The following ABCG2 variants were observed in gnomAD, a reference collection of about 807,000 sequenced individuals.
The protein encoded by ABCG2 is broad substrate specificity ATP-binding cassette transporter ABCG2.
A neutral mutation model predicts 73.5 loss-of-function variants in ABCG2; 80 were observed. The ratio of observed to expected loss-of-function variants is 1.09; its 90% CI spans 0.91 to 1.31. The LOEUF is 1.31. Among genes scored for constraint, ABCG2 ranks in the 50% most tolerant of loss-of-function variants. ABCG2 has a pLI of 0.00. For synonymous variants in ABCG2, 269 were observed against 282.4 expected (o/e 0.95, Z 0.48); for missense variants, 796 against 786.2 (o/e 1.01, Z -0.15).
rs546197876 is a variant in ABCG2 at position 88,131,421 on chromosome 4, C to A, written c.379-208G>T. Among the ~76,000 whole-genome samples, 5 of 152,272 alleles carry A rather than the reference C, an allele frequency of 3.3e-5. No individual in the cohort carries two copies. The South Asian group carries it at 6.2e-4, about 19-fold the overall frequency. ...AATCATTTTTCACCCCCTATCTGTA[C>A]ACCCAAATAGAATGCAAGTAATTAT... On this transcript the variant is annotated intron_variant, in intron 4 of 15. Coordinates refer to ENST00000237612, the MANE Select transcript of ABCG2 (RefSeq NM_004827.3).
intron 1 of ABCG2, among the ~76,000 whole-genome samples, chr4:88,140,774 C>T (rs1725584140): frequency 6.6e-6 from 1 of 152,062 alleles, no homozygotes; most frequent in Admixed American, 6.6e-5. Flanking sequence ...TTGTTATGCA[C>T]CTTCAATCAG....
At chr4:88,159,418 G>A, upstream of ABCG2, 1 of 345,576 alleles carries the variant, frequency 2.9e-6, no homozygotes, top group South Asian at 2.1e-5. Flanking sequence ...GAAGGAAAGG[G>A]GAGAAACTTA....
At position 88,101,149 on chromosome 4, in the gene ABCG2, GC is replaced by G. The variant is rs543645352; in HGVS notation, c.1367+80del. ...GGTAATCCTCCGGATCCCATCCTTGGCCCCAACCCCAGATGTAATCAGTCTA... is the reference window on the plus strand; with the variant it reads ...GGTAATCCTCCGGATCCCATCCTTGGCCCAACCCCAGATGTAATCAGTCTA... On this transcript the variant is annotated intron_variant, in intron 11 of 15. Transcript: ENST00000237612. 1.2e-4 allele frequency: 139 copies of G among 1,190,374 alleles called. 1 individual carries two copies. In the South Asian group the frequency reaches 1.8e-3, roughly 16 times the overall value. The allele number at this position is 1,190,374 out of a possible 1,614,324, so 73.7% of individuals were successfully genotyped here. A position where few individuals can be genotyped will look rare whatever the true frequency, so the allele number is the denominator to read the frequency against.
At chr4:88,225,632 C>T (rs1730181086) in intron 1 of ABCG2, among the ~76,000 whole-genome samples, 1 of 152,200 alleles carries the variant, frequency 6.6e-6, no homozygotes, top group Non-Finnish European at 1.5e-5. Context: ...AGACAGGAAG[C>T]ATAAGCTGAG....
Position 88,131,923 on chromosome 4 carries a change from AGAG to A in ABCG2, c.264-9_264-7del. ...CAGCTAAGACATCTAATAACCTATAAGAGGACATATATGTTGTGGGTCTAATAA... is the reference window on the plus strand; with the variant it reads ...CAGCTAAGACATCTAATAACCTATAAGACATATATGTTGTGGGTCTAATAA... On this transcript the variant is annotated splice_polypyrimidine_tract_variant and splice_region_variant and intron_variant, in intron 3 of 15. Transcript: ENST00000237612. The A allele has an allele frequency of 6.2e-7, 1 of 1,603,948 alleles. No homozygotes were observed. The highest frequency in any genetic ancestry group is 8.5e-7 in the Non-Finnish European group (1 of 1,171,028).
intron 1 of ABCG2, among the ~76,000 whole-genome samples, chr4:88,202,374 A>ATATGTATG (rs1553945725): frequency 2.6e-5 from 3 of 115,832 alleles, no homozygotes; most frequent in African/African-American, 6.3e-5. Flanking sequence ...ATATATATAT[A>ATATGTATG]TATGTATATT....
upstream of ABCG2, among the ~76,000 whole-genome samples, chr4:88,162,038 A>C (rs1434666432): frequency 6.6e-6 from 1 of 151,770 alleles, no homozygotes; most frequent in Non-Finnish European, 1.5e-5. Flanking sequence ...TTTCTTGTAA[A>C]TTTGTACAAA....
intron 9 of ABCG2, among the ~76,000 whole-genome samples, chr4:88,107,790 A>C (rs1722858692): frequency 6.6e-6 from 1 of 152,252 alleles, no homozygotes; most frequent in South Asian, 2.1e-4. Flanking sequence ...ACATTAAAAA[A>C]ATTCTAACAA....
chr4:88,112,141 T>C (rs1723176782), intron 9 of ABCG2, among the ~76,000 whole-genome samples: 1 of 151,420 alleles, frequency 6.6e-6, no homozygotes, highest in Admixed American at 6.6e-5. Context: ...GGAGTAATAA[T>C]CACCAACTAT....
At chr4:88,150,431 G>A (rs1445513866) in intron 1 of ABCG2, among the ~76,000 whole-genome samples, 1 of 152,204 alleles carries the variant, frequency 6.6e-6, no homozygotes, top group Non-Finnish European at 1.5e-5. Context: ...GAAGCAGAGT[G>A]AGGGAGGATA....
At chr4:88,122,704 G>A (rs1724094347) in intron 5 of ABCG2, among the ~76,000 whole-genome samples, 1 of 152,202 alleles carries the variant, frequency 6.6e-6, no homozygotes. Flanking sequence ...CTGGGACAGA[G>A]CAGCTGAGGT....
chr4:88,110,369 C>A (rs974115242), intron 9 of ABCG2, among the ~76,000 whole-genome samples: 2 of 151,920 alleles, frequency 1.3e-5, no homozygotes, highest in African/African-American at 4.8e-5. Context: ...ATGGTGCGAC[C>A]CTGTCTATAC....
At chr4:88,175,619 G>A (rs1727932072) in intron 1 of ABCG2, among the ~76,000 whole-genome samples, 1 of 152,142 alleles carries the variant, frequency 6.6e-6, no homozygotes, top group East Asian at 1.9e-4. Context: ...ATAGACTCAT[G>A]GATTTAAACA....
intron 1 of ABCG2, among the ~76,000 whole-genome samples, chr4:88,156,326 G>C (rs900336796): frequency 1.4e-5 from 2 of 139,804 alleles, no homozygotes; most frequent in African/African-American, 5.4e-5. Flanking sequence ...AGTGAGCCGA[G>C]ATCGTGCCAC....
intron 1 of ABCG2, among the ~76,000 whole-genome samples, chr4:88,225,227 G>A (rs750530255): frequency 2.0e-5 from 3 of 152,120 alleles, no homozygotes; most frequent in Non-Finnish European, 4.4e-5. Context: ...GCTGTGTCAT[G>A]ACTCCTCTAC....
At chr4:88,216,837 C>A (rs1339108529) in intron 1 of ABCG2, among the ~76,000 whole-genome samples, 1 of 152,050 alleles carries the variant, frequency 6.6e-6, no homozygotes. Flanking sequence ...CAAGACCAGC[C>A]TGACCAAAAT....
intron 1 of ABCG2, among the ~76,000 whole-genome samples, chr4:88,210,932 G>A (rs1465734102): frequency 2.0e-5 from 3 of 151,804 alleles, no homozygotes; most frequent in Admixed American, 1.3e-4. Context: ...AAGAAGAGGC[G>A]CAGATGCCAT....
intron 1 of ABCG2, among the ~76,000 whole-genome samples, chr4:88,153,807 C>A (rs1175027647): frequency 6.6e-6 from 1 of 152,058 alleles, no homozygotes; most frequent in African/African-American, 2.4e-5. Context: ...AGCTAATTTG[C>A]CAGTCCTGGG....
At position 88,091,200 on chromosome 4, in the gene ABCG2, GTGTTCATT is replaced by G. The variant is rs1721625736; in HGVS notation, c.*1026_*1033del. ...GACCTGAATTGATGGTTGCACATGT[GTGTTCATT>G]TTAATTCACTGAACTATATTTTTTG... On this transcript the variant is annotated 3_prime_UTR_variant, in exon 16 of 16. Transcript: ENST00000237612. 6.6e-6 allele frequency: 1 copy of G among 152,200 alleles called. No homozygotes were observed. The highest frequency in any genetic ancestry group is 6.5e-5 in the Admixed American group (1 of 15,286). The allele number at this position is 152,200 out of a possible 1,614,324, so 9.4% of individuals were successfully genotyped here.
Sources: gnomAD v4.1 joint callset for allele counts (sites outside exome capture counted in the v4.1 genomes callset) on GRCh38, gnomAD v4.1.1 for gene constraint, MANE v1.5 for transcripts, NCBI Gene and HGNC (gene_info 2026-07-23, HGNC 2026-07-21) for gene names.